Variants in ASTN2 observed in about 807,000 individuals in gnomAD.
ASTN2 encodes the protein astrotactin 2.
Under a neutral mutation model 139.8 loss-of-function variants are expected in ASTN2, and 54 were observed. That is an observed-to-expected ratio of 0.39 (90% CI 0.31 to 0.48). ASTN2 has a LOEUF of 0.48. Ranked by LOEUF, ASTN2 falls within the 20% of genes least tolerant of loss-of-function variation. ASTN2 has a pLI of 0.95. For synonymous variants in ASTN2, 756 were observed against 719.5 expected, an observed-to-expected ratio of 1.05 and a Z score of -0.81; for missense variants, 1,565 against 1,725.1, an observed-to-expected ratio of 0.91 and a Z score of 1.64.
chr9:117,113,207 A>C (rs7853208), intron 4 of ASTN2, among the ~76,000 whole-genome samples: 1 of 152,216 alleles, frequency 6.6e-6, no homozygotes, highest in African/African-American at 2.4e-5. Context: ...ACAACAACCA[A>C]ATAACCCAGA....
chr9:117,229,727 A>G (rs533559768), intron 2 of ASTN2, among the ~76,000 whole-genome samples: 2 of 152,300 alleles, frequency 1.3e-5, no homozygotes, highest in South Asian at 4.1e-4. Flanking sequence ...CTCACTCAAG[A>G]ACAACTAGCC....
chr9:116,824,992 TAGGA>T (rs1831587004), intron 11 of ASTN2, among the ~76,000 whole-genome samples: 1 of 152,166 alleles, frequency 6.6e-6, no homozygotes, highest in African/African-American at 2.4e-5. Context: ...GGGAATCCTG[TAGGA>T]AGGAAGTTCC....
At position 116,966,401 on chromosome 9, in the gene ASTN2, G is replaced by C. The variant is rs79122575; in HGVS notation, c.1889+8807C>G. The stretch of plus-strand genomic sequence containing the variant: ...TCATTTAGCAGAGGCTGTGTCTTGA[G>C]CCCTCTATCTGAGCTGACAGTTGGT... On this transcript the variant is annotated intron_variant, in intron 10 of 22. Coordinates refer to ENST00000313400, the MANE Select transcript of ASTN2 (RefSeq NM_001365068.1). Among the ~76,000 whole-genome samples the C allele has an allele frequency of 2.8e-3, 423 of 152,242 alleles. 2 individuals carry two copies. The highest frequency in any genetic ancestry group is 4.9e-3 in the Non-Finnish European group (332 of 68,036).
At chr9:117,169,224 C>T (rs911465233) in intron 3 of ASTN2, among the ~76,000 whole-genome samples, 1 of 151,548 alleles carries the variant, frequency 6.6e-6, no homozygotes, top group South Asian at 2.1e-4. Context: ...AAAAAAATCT[C>T]ATTCATTTTC....
At chr9:117,258,895 A>G (rs1833755551) in intron 2 of ASTN2, among the ~76,000 whole-genome samples, 1 of 152,222 alleles carries the variant, frequency 6.6e-6, no homozygotes, top group Non-Finnish European at 1.5e-5. Flanking sequence ...CTGAAGGGAT[A>G]GGGATCGTCT....
At chr9:117,286,829 A>T (rs1183889003) in intron 2 of ASTN2, among the ~76,000 whole-genome samples, 1 of 152,204 alleles carries the variant, frequency 6.6e-6, no homozygotes, top group Admixed American at 6.5e-5. Context: ...AGACATGATA[A>T]CCCTCACTAT....
At chr9:117,150,567 G>A (rs1206483428) in intron 3 of ASTN2, among the ~76,000 whole-genome samples, 1 of 152,170 alleles carries the variant, frequency 6.6e-6, no homozygotes. Flanking sequence ...TGTGAGACTT[G>A]GGCAAATAAC....
intron 16 of ASTN2, among the ~76,000 whole-genome samples, chr9:116,664,077 A>G (rs1661305): frequency 0.12 from 17,526 of 152,188 alleles, 1,070 homozygotes; most frequent in East Asian, 0.15. Flanking sequence ...TTACCATAGC[A>G]GTCTATGGAC....
intron 13 of ASTN2, among the ~76,000 whole-genome samples, chr9:116,771,565 T>C (rs1203704661): frequency 1.3e-5 from 2 of 152,160 alleles, no homozygotes; most frequent in African/African-American, 4.8e-5. Context: ...TGGCACATAG[T>C]AGGAGCTCAT....
intron 2 of ASTN2, among the ~76,000 whole-genome samples, chr9:117,285,372 A>C (rs1834423691): frequency 6.6e-6 from 1 of 151,028 alleles, no homozygotes; most frequent in Non-Finnish European, 1.5e-5. Context: ...TCCATGATTG[A>C]ATGATTAAAT....
chr9:116,564,755 T>C (rs1470572509), intron 19 of ASTN2, among the ~76,000 whole-genome samples: 1 of 151,942 alleles, frequency 6.6e-6, no homozygotes, highest in East Asian at 1.9e-4. Context: ...CATATAGTCA[T>C]ATATAGATCT....
intron 4 of ASTN2, among the ~76,000 whole-genome samples, chr9:117,103,990 C>T (rs1829044492): frequency 6.6e-6 from 1 of 152,192 alleles, no homozygotes; most frequent in Non-Finnish European, 1.5e-5. Flanking sequence ...ATAGGCCAGG[C>T]ACTTTACACA....
At chr9:117,026,290 G>T (rs527380675) in intron 6 of ASTN2, among the ~76,000 whole-genome samples, 10 of 152,152 alleles carry the variant, frequency 6.6e-5, no homozygotes, top group African/African-American at 2.4e-4. Flanking sequence ...AATTTCTGGT[G>T]TTTTAGCATC....
At chr9:117,056,790 T>C (rs1196083613) in intron 5 of ASTN2, among the ~76,000 whole-genome samples, 1 of 152,210 alleles carries the variant, frequency 6.6e-6, no homozygotes, top group Non-Finnish European at 1.5e-5. Context: ...CTCAGCTCAA[T>C]AATTTCTTAA....
At position 116,648,965 on chromosome 9, in the gene ASTN2, C is replaced by T. The variant is rs137877256; in HGVS notation, c.3072+2563G>A. Reference sequence around the variant, plus strand: ...AGAAGAATTGTTTGAACCCAGGAGGCGGAGGTTGCAGTGAGCCAAGATTGC... The same window carrying T: ...AGAAGAATTGTTTGAACCCAGGAGGTGGAGGTTGCAGTGAGCCAAGATTGC... On this transcript the variant is annotated intron_variant, in intron 17 of 22. Transcript: ENST00000313400. Among the ~76,000 whole-genome samples the T allele has an allele frequency of 7.6e-4, 115 of 151,732 alleles. 3 individuals carry two copies. The East Asian group carries it at 0.021, about 28-fold the overall frequency.
intron 12 of ASTN2, among the ~76,000 whole-genome samples, chr9:116,808,848 G>A (rs1831095810): frequency 6.6e-6 from 1 of 152,050 alleles, no homozygotes; most frequent in Non-Finnish European, 1.5e-5. Context: ...TCTAGGATAG[G>A]AAAAATAACT....
chr9:116,751,258 A>G (rs748020359), intron 13 of ASTN2, among the ~76,000 whole-genome samples: 2 of 152,220 alleles, frequency 1.3e-5, no homozygotes, highest in Non-Finnish European at 2.9e-5. Context: ...ATGGGGTGGT[A>G]AAAGGAACAA....
intron 1 of ASTN2, among the ~76,000 whole-genome samples, chr9:117,353,308 C>T (rs974875594): frequency 3.9e-5 from 6 of 152,066 alleles, no homozygotes; most frequent in Admixed American, 2.6e-4. Flanking sequence ...AGATTTAGTG[C>T]GGTGCTGTCC....
chr9:116,653,581 C>T (rs1858044125), intron 16 of ASTN2, among the ~76,000 whole-genome samples: 1 of 152,148 alleles, frequency 6.6e-6, no homozygotes, highest in Admixed American at 6.5e-5. Flanking sequence ...GAGCTTAATC[C>T]ATCTGGCAGC....
Sources: gnomAD v4.1 joint callset for allele counts (sites outside exome capture counted in the v4.1 genomes callset) on GRCh38, gnomAD v4.1.1 for gene constraint, MANE v1.5 for transcripts, NCBI Gene and HGNC (gene_info 2026-07-23, HGNC 2026-07-21) for gene names.